LEPROTL1: variants seen among roughly 807,000 people sequenced by gnomAD.
LEPROTL1 encodes the protein leptin receptor overlapping transcript-like 1.
A neutral mutation model predicts 15.4 loss-of-function variants in LEPROTL1; 6 were observed. That is an observed-to-expected ratio of 0.39 (90% CI 0.21 to 0.77). LEPROTL1 has a LOEUF of 0.77. LEPROTL1 is among the 30% of genes least tolerant of loss of function. The probability of loss-of-function intolerance (pLI) is 0.41; values close to 1 mark genes in which losing one functional copy is unlikely to be tolerated. For synonymous variants in LEPROTL1, 56 were observed against 52.6 expected (o/e 1.06, Z -0.28); for missense variants, 128 against 158.1 (o/e 0.81, Z 1.02).
At chr8:30,096,134 T>C (rs1802361310) in intron 1 of LEPROTL1, 1 of 282,718 alleles carries the variant, frequency 3.5e-6, no homozygotes, top group African/African-American at 2.3e-5. Flanking sequence ...AAAGTGCTCC[T>C]GGCTCTCTTC....
rs11412693 is a variant in LEPROTL1, at chr8:30,107,752, C to CTT, written c.*1897_*1898dup. ...CTCTTTGTGCTTGTGATCTACTGGA[C>CTT]TTTTTTTTGCAGGAAGTGCATTCTC... is the stretch of plus-strand genomic sequence containing the variant. On this transcript the variant is annotated 3_prime_UTR_variant, in exon 4 of 4. Coordinates refer to ENST00000321250, the MANE Select transcript of LEPROTL1 (RefSeq NM_015344.3). The CTT allele has an allele frequency of 5.8e-5, 56 of 969,730 alleles. No individual in the cohort carries two copies. The East Asian group carries it at 1.5e-3, about 26-fold the overall frequency. The allele number at this position is 969,730 out of a possible 1,614,324, so 60.1% of individuals were successfully genotyped here.
At chr8:30,115,482 C>T (rs1802725760) in intron 3 of LEPROTL1, among the ~76,000 whole-genome samples, 1 of 151,476 alleles carries the variant, frequency 6.6e-6, no homozygotes. Context: ...AGGTGATCCT[C>T]CTACCTCAGC....
intron 3 of LEPROTL1, among the ~76,000 whole-genome samples, chr8:30,131,176 C>G (rs1443384898): frequency 6.6e-6 from 1 of 151,690 alleles, no homozygotes; most frequent in African/African-American, 2.4e-5. Context: ...ACTGCAGCCT[C>G]AAACTCCTGG....
intron 4 of LEPROTL1, among the ~76,000 whole-genome samples, chr8:30,136,172 C>T (rs1308950195): frequency 6.6e-6 from 1 of 152,108 alleles, no homozygotes; most frequent in East Asian, 1.9e-4. Context: ...TGGTCTAACC[C>T]CAGTACCTCA....
intron 3 of LEPROTL1, among the ~76,000 whole-genome samples, chr8:30,128,381 C>G (rs1802938211): frequency 6.6e-6 from 1 of 152,104 alleles, no homozygotes; most frequent in African/African-American, 2.4e-5. Flanking sequence ...TTTTAAAAGG[C>G]TTTGTTAACC....
intron 1 of LEPROTL1, 104 bp downstream of exon 1, chr8:30,095,632 C>CGT: frequency 1.0e-6 from 1 of 970,312 alleles, no homozygotes. Context: ...CGCGCGCGCG[C>CGT]GTGGGGTCCC....
rs1195741026 is a variant in LEPROTL1, at chr8:30,106,342, A to G, written c.*480A>G. The G allele has an allele frequency of 9.1e-6, 9 of 986,520 alleles. No individual in the cohort carries two copies. Among genetic ancestry groups the G allele is most frequent in the Non-Finnish European group, 8.4e-6 (7 of 830,464 alleles). The allele number at this position is 986,520 out of a possible 1,614,324, so 61.1% of individuals were successfully genotyped here. On this transcript the variant is annotated 3_prime_UTR_variant, in exon 4 of 4. Coordinates refer to ENST00000321250, the MANE Select transcript of LEPROTL1 (RefSeq NM_015344.3). ...GTCAGTCAGGATGACATCACTCCCA[A>G]TGTTATGCAGACATACAGACGGTTG...
chr8:30,099,094 T>C (rs145842553), intron 1 of LEPROTL1, among the ~76,000 whole-genome samples: 1 of 152,330 alleles, frequency 6.6e-6, no homozygotes, highest in African/African-American at 2.4e-5. Flanking sequence ...CTGACGTTTG[T>C]CATCACTTGA....
chr8:30,104,428 C>G lies in LEPROTL1; in HGVS notation c.221C>G (p.Thr74Arg). 1 of 1,612,704 alleles carries G rather than the reference C, an allele frequency of 6.2e-7. No individual in the cohort carries two copies. The highest frequency in any genetic ancestry group is 8.5e-7 in the Non-Finnish European group (1 of 1,179,366). ...NACKELAIFLTTGIVVSAFGL... is the reference protein window; with the variant it reads ...NACKELAIFLRTGIVVSAFGL... ...TGTAAGGAACTTGCCATCTTTCTTACAACGGGCATTGTCGTGTCAGCTTTT... is the reference window on the plus strand; with the variant it reads ...TGTAAGGAACTTGCCATCTTTCTTAGAACGGGCATTGTCGTGTCAGCTTTT... The change falls in exon 3 of 4, where the codon ACA (threonine) becomes AGA (arginine). Residue 74 changes from threonine to arginine, a missense_variant. By Grantham distance (71) the Thr-to-Arg change is moderately conservative. Coordinates refer to ENST00000321250, the MANE Select transcript of LEPROTL1 (RefSeq NM_015344.3).
intron 1 of LEPROTL1, among the ~76,000 whole-genome samples, chr8:30,100,910 T>C (rs571887528): frequency 6.6e-6 from 1 of 152,268 alleles, no homozygotes; most frequent in South Asian, 2.1e-4. Flanking sequence ...ATTTCACCTG[T>C]AGAATGCATC....
At position 30,126,054 on chromosome 8, in the gene LEPROTL1, G is replaced by GT. The variant is rs138999032; in HGVS notation, c.280-6320dup. Among the ~76,000 whole-genome samples, 602 of 152,282 alleles carry GT rather than the reference G, an allele frequency of 4.0e-3. 4 individuals are homozygous for GT. The highest frequency in any genetic ancestry group is 7.1e-3 in the Admixed American group (109 of 15,294). On this transcript the variant is annotated intron_variant, in intron 3 of 4. Coordinates refer to the LEPROTL1 transcript ENST00000442880. ...AGAATCTGTTGTAAGTGATTTGAAT[G>GT]TACTATCTAATAGTTGGCATTCTAA...
rs760472075 is a variant in LEPROTL1, at chr8:30,106,713, T to G, written c.*851T>G. 4 of 985,052 alleles carry G rather than the reference T, an allele frequency of 4.1e-6. No homozygotes were observed. In the South Asian group the frequency reaches 1.9e-4, roughly 46 times the overall value. 61.0% of individuals were successfully genotyped at this position (985,052 alleles called of 1,614,324 possible). ...CTATTTATAAGTGAAATTTGTGATC[T>G]CCTATCAACCTTTCATGTTTTACCC... On this transcript the variant is annotated 3_prime_UTR_variant, in exon 4 of 4. Transcript: ENST00000321250.
chr8:30,126,126 A>G (rs764189111), intron 3 of LEPROTL1, among the ~76,000 whole-genome samples: 9 of 152,162 alleles, frequency 5.9e-5, no homozygotes, highest in Admixed American at 2.0e-4. Flanking sequence ...AATGCCCATA[A>G]TCTATCTATA....
chr8:30,100,849 C>CTGTGTGTGTGTGTG lies in LEPROTL1; in HGVS notation c.17-1043_17-1030dup, dbSNP rs113757454. 8.7e-3 allele frequency among the ~76,000 whole-genome samples: 1,309 copies of CTGTGTGTGTGTGTG among 150,848 alleles called. 25 individuals carry two copies. The highest frequency in any genetic ancestry group is 0.038 in the Admixed American group (581 of 15,150). ...CGTGAGAGCACCTTAAAATGTACTG[C>CTGTGTGTGTGTGTG]TGTGTGTGTGTGTGTGTGTCTGTGT... is the stretch of plus-strand genomic sequence containing the variant. On this transcript the variant is annotated intron_variant, in intron 1 of 3. Coordinates refer to ENST00000321250, the MANE Select transcript of LEPROTL1 (RefSeq NM_015344.3).
chr8:30,120,477 G>A (rs13273844), intron 3 of LEPROTL1, among the ~76,000 whole-genome samples: 1 of 32,826 alleles, frequency 3.0e-5, no homozygotes, highest in Non-Finnish European at 1.3e-4. Flanking sequence ...ATATATATAT[G>A]TATATATTTT....
chr8:30,137,617 CTG>C (rs1456629401), exon 5 of LEPROTL1: 1 of 793,972 alleles, frequency 1.3e-6, no homozygotes, highest in Non-Finnish European at 2.0e-6. Context: ...AAAATTATAA[CTG>C]AGACAGTGAA....
At chr8:30,104,249 G>T (rs1802519535) in intron 2 of LEPROTL1, 51 bp from the exon 3 acceptor site, 1 of 1,124,866 alleles carries the variant, frequency 8.9e-7, no homozygotes, top group African/African-American at 1.6e-5. Flanking sequence ...TATTTTGTGT[G>T]TAGGAAAATG....
Position 30,101,927 on chromosome 8 carries a change from A to C in LEPROTL1, c.46A>C (p.Ile16Leu). Residue 16 changes from isoleucine (I) to leucine (L), a missense_variant, in exon 2 of 4, where the codon ATC becomes CTC. Physicochemically the swap from Ile to Leu is conservative, Grantham distance 5. Transcript: ENST00000321250. ...GATTAGTTTGTCCTTTGGAGGAGCA[A>C]TCGGACTGATGTTTTTGATGCTTGG... is the stretch of plus-strand genomic sequence containing the variant. ...ALISLSFGGA[I>L]GLMFLMLGCA... 1.2e-6 allele frequency: 2 copies of C among 1,610,004 alleles called. No individual in the cohort carries two copies. Among genetic ancestry groups the C allele is most frequent in the Non-Finnish European group, 1.7e-6 (2 of 1,177,678 alleles).
chr8:30,097,817 T>C lies in LEPROTL1; in HGVS notation c.16+2289T>C, dbSNP rs570800170. 1.1e-4 allele frequency among the ~76,000 whole-genome samples: 16 copies of C among 151,966 alleles called. No individual in the cohort carries two copies. The South Asian group carries it at 3.3e-3, about 32-fold the overall frequency. ...ATTCCAGTATTCATATTCATAGCACTTACAATAAGACAATCTTGGTTTATG... is the reference window on the plus strand; with the variant it reads ...ATTCCAGTATTCATATTCATAGCACCTACAATAAGACAATCTTGGTTTATG... On this transcript the variant is annotated intron_variant, in intron 1 of 3. Coordinates refer to ENST00000321250, the MANE Select transcript of LEPROTL1 (RefSeq NM_015344.3).
Sources: gnomAD v4.1 joint callset for allele counts (sites outside exome capture counted in the v4.1 genomes callset) on GRCh38, gnomAD v4.1.1 for gene constraint, MANE v1.5 for transcripts, NCBI Gene and HGNC (gene_info 2026-07-23, HGNC 2026-07-21) for gene names.